The following GAGE10 variants were observed in gnomAD, a reference collection of about 807,000 sequenced individuals.
GAGE10 encodes G antigen 10.
Under a neutral mutation model 11.5 loss-of-function variants are expected in GAGE10, and 9 were observed. The ratio of observed to expected loss-of-function variants is 0.78; its 90% CI spans 0.47 to 1.37. GAGE10 has a LOEUF of 1.37. Ranked by LOEUF, GAGE10 falls within the 40% of genes most tolerant of loss-of-function variation. GAGE10 has a pLI of 0.00. For synonymous variants in GAGE10, 23 were observed against 29.7 expected, an observed-to-expected ratio of 0.77 and a Z score of 0.73; for missense variants, 83 against 92.9, an observed-to-expected ratio of 0.89 and a Z score of 0.44.
rs2066396173 is a variant in GAGE10, at chrX:49,317,257, A to G, written c.297A>G (p.Pro99=). The G allele has an allele frequency of 8.3e-7, 1 of 1,205,906 alleles. No individual in the cohort carries two copies. Among genetic ancestry groups the G allele is most frequent in the Admixed American group, 2.2e-5 (1 of 45,544 alleles). ...DGPDGQEMGL[P]NPEEVKRPEE... ...CTGATGGCCAGGAGATGGGCCTGCC[A>G]AATCCAGAGGAGGTGAAAAGGCCTG... Residue 99 remains proline, a synonymous_variant, in exon 4 of 5, where the codon CCA becomes CCG. Coordinates refer to ENST00000407599, the MANE Select transcript of GAGE10 (RefSeq NM_001098413.4).
chrX:49,317,162 T>A lies in GAGE10; in HGVS notation c.203-1T>A. 1 of 1,202,294 alleles carries A rather than the reference T, an allele frequency of 8.3e-7. No homozygotes were observed. Among genetic ancestry groups the A allele is most frequent in the Non-Finnish European group, 1.1e-6 (1 of 889,322 alleles). On this transcript the variant is annotated splice_acceptor_variant, in intron 3 of 4. Coordinates refer to ENST00000407599, the MANE Select transcript of GAGE10 (RefSeq NM_001098413.4). LOFTEE classifies it high-confidence loss of function. The stretch of plus-strand genomic sequence containing the variant: ...ATTGATATGTATTTTTTATTTTTAA[T>A]GGCCGAAGCCTGAAGCTGATAGCCA...
At chrX:49,310,532 A>G (rs2066372971) in intron 3 of GAGE10, among the ~76,000 whole-genome samples, 1 of 111,870 alleles carries the variant, frequency 8.9e-6, no homozygotes, top group African/African-American at 3.3e-5. Context: ...TCAATGGCCT[A>G]ACACCCAAGA....
Position 49,317,202 on chromosome X carries a change from C to T in GAGE10, c.242C>T (p.Pro81Leu), listed in dbSNP as rs782402161. 3.7e-5 allele frequency: 44 copies of T among 1,205,044 alleles called. 1 individual carries two copies. The South Asian group carries it at 7.8e-4, about 21-fold the overall frequency. ...PEADSQEQVH[P>L]KTGCECGDGP... ...GCTGATAGCCAGGAACAGGTTCACC[C>T]AAAGACTGGGTGTGAGTGTGGAGAT... The change falls in exon 4 of 5, where the codon CCA becomes CTA. Residue 81 changes from proline (P) to leucine (L), a missense_variant. Physicochemically the swap from Pro to Leu is moderately conservative, Grantham distance 98. This residue lies in a region of GAGE10 where 66 missense variants were observed against 35.4 expected (regional missense o/e 1.87). Transcript: ENST00000407599.
intron 3 of GAGE10, among the ~76,000 whole-genome samples, chrX:49,306,921 A>G (rs2066359227): frequency 8.9e-6 from 1 of 112,214 alleles, no homozygotes; most frequent in Non-Finnish European, 1.9e-5. Flanking sequence ...GTTGCTGGTA[A>G]TGTTGCAAAC....
At chrX:49,304,560 C>T (rs1288982940) in intron 1 of GAGE10, among the ~76,000 whole-genome samples, 2 of 111,226 alleles carry the variant, frequency 1.8e-5, no homozygotes, top group African/African-American at 6.7e-5. Flanking sequence ...GCTGTGATCA[C>T]GCCGCTGCAC....
At chrX:49,317,473 G>C (rs1172613827) in intron 4 of GAGE10, among the ~76,000 whole-genome samples, 185 bp downstream of exon 4, 1 of 111,527 alleles carries the variant, frequency 9.0e-6, no homozygotes, top group Non-Finnish European at 1.9e-5. Flanking sequence ...TGAGCCTCTC[G>C]CGGAGCTGGG....
At chrX:49,317,509 A>G (rs1557125484) in intron 4 of GAGE10, among the ~76,000 whole-genome samples, 1 of 111,490 alleles carries the variant, frequency 9.0e-6, no homozygotes, top group East Asian at 2.8e-4. Flanking sequence ...CAATGTGCCC[A>G]GCTAATTTTT....
intron 3 of GAGE10, among the ~76,000 whole-genome samples, chrX:49,316,431 G>A (rs2066391808): frequency 8.9e-6 from 1 of 111,869 alleles, no homozygotes; most frequent in Non-Finnish European, 1.9e-5. Context: ...CTCTTTGTTT[G>A]GGGCTCAGTC....
intron 4 of GAGE10, among the ~76,000 whole-genome samples, chrX:49,319,422 C>A (rs2066407365): frequency 8.8e-6 from 1 of 113,855 alleles, no homozygotes; most frequent in East Asian, 2.7e-4. Flanking sequence ...TCTAGTACTT[C>A]CTGAGTAATC....
In GAGE10 at chrX:49,304,889, G is replaced by A; in HGVS notation, c.30G>A (p.Arg10=). Residue 10 remains arginine (R), a synonymous_variant, in exon 2 of 5, where the codon CGG becomes CGA. Coordinates refer to ENST00000407599, the MANE Select transcript of GAGE10 (RefSeq NM_001098413.4). MSWRGRSTY[R]PRPRRYVEPP... Reference sequence around the variant, plus strand: ...GTTGGCGAGGAAGATCGACCTATCGGCCTAGACCAAGACGCTACGTAGAGC... The same window carrying A: ...GTTGGCGAGGAAGATCGACCTATCGACCTAGACCAAGACGCTACGTAGAGC... 16 of 1,209,589 alleles carry A rather than the reference G, an allele frequency of 1.3e-5. No individual in the cohort carries two copies. The highest frequency in any genetic ancestry group is 1.8e-5 in the Non-Finnish European group (16 of 893,762).
chrX:49,311,088 G>A (rs1458501601), intron 3 of GAGE10, among the ~76,000 whole-genome samples: 1 of 111,195 alleles, frequency 9.0e-6, no homozygotes, highest in Non-Finnish European at 1.9e-5. Flanking sequence ...CAATAAGTGG[G>A]GAATGCTTTT....
intron 4 of GAGE10, among the ~76,000 whole-genome samples, chrX:49,319,292 T>A (rs1319875621): frequency 9.0e-6 from 1 of 110,854 alleles, no homozygotes; most frequent in Non-Finnish European, 1.9e-5. Context: ...TGAGCCACTA[T>A]TTCTAATAAG....
chrX:49,309,323 A>T (rs2066368216), intron 3 of GAGE10, among the ~76,000 whole-genome samples: 2 of 112,836 alleles, frequency 1.8e-5, no homozygotes, highest in African/African-American at 6.4e-5. Flanking sequence ...AGTTAAGGAC[A>T]TACTGTGAAT....
rs2869207 is a variant in GAGE10, at chrX:49,305,786, T to G, written c.202+262T>G. Among the ~76,000 whole-genome samples, 51 of 111,745 alleles carry G rather than the reference T, an allele frequency of 4.6e-4. 1 individual carries two copies. Among genetic ancestry groups the G allele is most frequent in the East Asian group, 2.2e-3 (8 of 3,588 alleles). ...GAAAATGGAGGCGCTGGGATTGTGTTTTATCCAAGAGCCCTTGACTGGTGA... is the reference window on the plus strand; with the variant it reads ...GAAAATGGAGGCGCTGGGATTGTGTGTTATCCAAGAGCCCTTGACTGGTGA... On this transcript the variant is annotated intron_variant, in intron 3 of 4. Coordinates refer to ENST00000407599, the MANE Select transcript of GAGE10 (RefSeq NM_001098413.4).
chrX:49,318,705 T>TCCTTCCC, intron 4 of GAGE10, among the ~76,000 whole-genome samples: 1 of 6,091 alleles, frequency 1.6e-4, no homozygotes, highest in Non-Finnish European at 3.1e-4. Context: ...CCCAGTGCTA[T>TCCTTCCC]CCCTCCCCCC....
intron 3 of GAGE10, among the ~76,000 whole-genome samples, chrX:49,310,816 C>G (rs1225648562): frequency 1.8e-5 from 2 of 111,248 alleles, no homozygotes; most frequent in African/African-American, 6.6e-5. Flanking sequence ...GAAAAGAGAC[C>G]CTTTTGCAAA....
chrX:49,317,042 A>G, intron 3 of GAGE10, 121 bp from the exon 4 acceptor site: 1 of 889,938 alleles, frequency 1.1e-6, no homozygotes, highest in Non-Finnish European at 1.5e-6. Flanking sequence ...ATTCTTATCA[A>G]CATATTTATT....
intron 3 of GAGE10, among the ~76,000 whole-genome samples, chrX:49,315,957 T>C (rs1470607226): frequency 4.5e-5 from 5 of 112,157 alleles, no homozygotes; most frequent in Non-Finnish European, 9.4e-5. Context: ...CATCAGCTGC[T>C]GCCAGTAGAA....
At chrX:49,304,489 C>T (rs192621481) in intron 1 of GAGE10, among the ~76,000 whole-genome samples, 36 of 112,970 alleles carry the variant, frequency 3.2e-4, no homozygotes, top group African/African-American at 9.6e-4. Flanking sequence ...GCCTGTAGTC[C>T]CAGTTACTCG....
Sources: allele counts gnomAD v4.1 joint callset (sites outside exome capture counted in the v4.1 genomes callset), GRCh38; gene constraint gnomAD v4.1.1; regional missense constraint gnomAD v4.1.1; transcripts MANE v1.5; gene names NCBI Gene and HGNC (gene_info 2026-07-23, HGNC 2026-07-21).